JAKMIP1: variants seen among roughly 807,000 people sequenced by gnomAD.
JAKMIP1 encodes janus kinase and microtubule interacting protein 1.
A neutral mutation model predicts 113.0 loss-of-function variants in JAKMIP1; 33 were observed. That is an observed-to-expected ratio of 0.29 (90% CI 0.22 to 0.39). The LOEUF (loss-of-function observed/expected upper bound fraction) is 0.39. JAKMIP1 is among the 10% of genes least tolerant of loss of function. The probability of loss-of-function intolerance (pLI) is 1.00; values close to 1 mark genes in which losing one functional copy is unlikely to be tolerated. For missense variants in JAKMIP1, 813 were observed against 1,080.5 expected (o/e 0.75, Z 3.47); for synonymous variants, 480 against 459.9 (o/e 1.04, Z -0.56).
In JAKMIP1 at chr4:6,147,669, C is replaced by T. The variant is rs571769622; in HGVS notation, c.-147-34672G>A. On this transcript the variant is annotated intron_variant, in intron 1 of 20. Coordinates refer to ENST00000409021, the MANE Select transcript of JAKMIP1 (RefSeq NM_001099433.2). ...CCTCTGAACACTCACTCTCCCCCACCGGGTCCACACCAACTCTCAGGCCAC... is the reference window on the plus strand; with the variant it reads ...CCTCTGAACACTCACTCTCCCCCACTGGGTCCACACCAACTCTCAGGCCAC... Among the ~76,000 whole-genome samples the T allele has an allele frequency of 9.9e-5, 15 of 152,192 alleles. No individual in the cohort carries two copies. The East Asian group carries it at 2.5e-3, about 26-fold the overall frequency.
At chr4:6,095,717 A>T (rs1174665842) in intron 3 of JAKMIP1, among the ~76,000 whole-genome samples, 4 of 151,968 alleles carry the variant, frequency 2.6e-5, no homozygotes, top group African/African-American at 9.7e-5. Context: ...CCTTCGGTAG[A>T]CTCCTGGAAG....
intron 3 of JAKMIP1, among the ~76,000 whole-genome samples, 159 bp from the exon 4 acceptor site, chr4:6,085,788 G>A (rs1210900760): frequency 2.6e-5 from 4 of 152,190 alleles, no homozygotes; most frequent in South Asian, 2.1e-4. Flanking sequence ...AGCACAGCCC[G>A]CAGCCCAGGG....
chr4:6,053,357 G>A (rs547277880), intron 13 of JAKMIP1, among the ~76,000 whole-genome samples: 1 of 152,194 alleles, frequency 6.6e-6, no homozygotes, highest in Non-Finnish European at 1.5e-5. Flanking sequence ...GTAGTTTTGA[G>A]GTGCAGTTTG....
In JAKMIP1 at chr4:6,137,323, G is replaced by A. The variant is rs1218595285; in HGVS notation, c.-147-24326C>T. ...AGCCACAGTGGCTGCAAGACGGCAC[G>A]CGCTGGCATTTTCCTAACAGACGGA... On this transcript the variant is annotated intron_variant, in intron 1 of 20. Coordinates refer to ENST00000409021, the MANE Select transcript of JAKMIP1 (RefSeq NM_001099433.2). This position sits in a 1 kb window ranked among gnomAD's most constrained non-coding sequence, Gnocchi z 4.5. Among the ~76,000 whole-genome samples the A allele has an allele frequency of 5.3e-5, 8 of 152,180 alleles. No individual in the cohort carries two copies. The highest frequency in any genetic ancestry group is 7.2e-5 in the African/African-American group (3 of 41,434).
intron 18 of JAKMIP1, among the ~76,000 whole-genome samples, chr4:6,036,504 A>G (rs1223788709): frequency 6.6e-6 from 1 of 152,176 alleles, no homozygotes; most frequent in Non-Finnish European, 1.5e-5. Flanking sequence ...ATGGGTGCCA[A>G]TGGGGAAATA....
At chr4:6,045,987 G>A (rs1714939744) in intron 16 of JAKMIP1, among the ~76,000 whole-genome samples, 2 of 152,184 alleles carry the variant, frequency 1.3e-5, no homozygotes, top group Non-Finnish European at 2.9e-5. Context: ...GGGTTAACTG[G>A]GGCCTGTCAG....
At chr4:6,070,824 T>C (rs956945358) in intron 8 of JAKMIP1, among the ~76,000 whole-genome samples, 4 of 144,108 alleles carry the variant, frequency 2.8e-5, no homozygotes, top group African/African-American at 9.7e-5. Context: ...AAACAAACCA[T>C]TATTTAATAG....
intron 13 of JAKMIP1, chr4:6,053,761 A>G: frequency 8.1e-7 from 1 of 1,232,292 alleles, no homozygotes; most frequent in African/African-American, 1.6e-5. Context: ...AAAATATTGC[A>G]AAAACAAATT....
rs1429046962 is a variant in JAKMIP1, at chr4:6,129,453, G to C, written c.-147-16456C>G. Among the ~76,000 whole-genome samples the C allele has an allele frequency of 6.6e-6, 1 of 152,168 alleles. No individual in the cohort carries two copies. Among genetic ancestry groups the C allele is most frequent in the Admixed American group, 6.5e-5 (1 of 15,280 alleles). ...GATCTCTATGATCTACAAGGTTTGA[G>C]ATCACATTGAAGTCGACTGGTTAAA... On this transcript the variant is annotated intron_variant, in intron 1 of 20. Transcript: ENST00000409021. This position sits in a 1 kb window ranked among gnomAD's most constrained non-coding sequence, Gnocchi z 5.4.
chr4:6,174,882 A>G (rs1295012967), intron 1 of JAKMIP1, among the ~76,000 whole-genome samples: 1 of 151,758 alleles, frequency 6.6e-6, no homozygotes, highest in Admixed American at 6.6e-5. Flanking sequence ...CTGCCCACCC[A>G]TGTGGCCCCA....
At chr4:6,055,786 C>T (rs1328483704) in intron 12 of JAKMIP1, among the ~76,000 whole-genome samples, 2 of 150,562 alleles carry the variant, frequency 1.3e-5, no homozygotes, top group African/African-American at 4.9e-5. Flanking sequence ...GGGCAGCTCT[C>T]CCAATTTCTG....
In JAKMIP1 at chr4:6,064,350, A is replaced by G. The variant is rs1034923177; in HGVS notation, c.1431+530T>C. Reference sequence around the variant, plus strand: ...TGCTCAAGAAGCTGGCTATGCACCCAGATGGGCACAGGTGGTCAGGACAGG... The same window carrying G: ...TGCTCAAGAAGCTGGCTATGCACCCGGATGGGCACAGGTGGTCAGGACAGG... On this transcript the variant is annotated intron_variant, in intron 9 of 20. Transcript: ENST00000409021. This position sits in a 1 kb window ranked among gnomAD's most constrained non-coding sequence, Gnocchi z 4.3. Among the ~76,000 whole-genome samples the G allele has an allele frequency of 1.3e-5, 2 of 152,222 alleles. No individual in the cohort carries two copies. Among genetic ancestry groups the G allele is most frequent in the Non-Finnish European group, 2.9e-5 (2 of 68,032 alleles).
In JAKMIP1 at chr4:6,178,750, C is replaced by A. The variant is rs1725688037; in HGVS notation, c.-148+21503G>T. Among the ~76,000 whole-genome samples the A allele has an allele frequency of 1.3e-5, 2 of 152,154 alleles. 1 individual carries two copies. Among genetic ancestry groups the A allele is most frequent in the South Asian group, 4.1e-4 (2 of 4,828 alleles). On this transcript the variant is annotated intron_variant, in intron 1 of 20. Transcript: ENST00000409021. This position sits in a 1 kb window ranked among gnomAD's most constrained non-coding sequence, Gnocchi z 5.5. ...TCTTTATTAGCAATGTGAGGACAGA[C>A]TAATATACCCTACCAAATTCTCTAG...
At chr4:6,122,813 C>T (rs1190978074) in intron 1 of JAKMIP1, among the ~76,000 whole-genome samples, 1 of 152,192 alleles carries the variant, frequency 6.6e-6, no homozygotes, top group African/African-American at 2.4e-5. Context: ...ATTCTTAGCT[C>T]TGCCACTTAC....
Position 6,040,675 on chromosome 4 carries a change from G to A in JAKMIP1, c.2139C>T (p.Leu713=), listed in dbSNP as rs974404103. 3 of 1,613,424 alleles carry A rather than the reference G, an allele frequency of 1.9e-6. No homozygotes were observed. Among genetic ancestry groups the A allele is most frequent in the African/African-American group, 1.3e-5 (1 of 74,882 alleles). Residue 713 remains leucine, a synonymous_variant, in exon 18 of 21, where the codon CTC becomes CTT. Transcript: ENST00000409021. The surrounding 1 kb of genome is among the most constrained non-coding windows in gnomAD (Gnocchi z 5.8). The part of the protein sequence containing the change: ...SRQKGYLEEE[L]DYRKQALDQA... ...GGTCAAGGGCTTGCTTCCGGTAGTC[G>A]AGCTCCTCTTCCAGGTAGCCCTTCT...
chr4:6,054,385 C>T (rs1030300513), intron 12 of JAKMIP1, among the ~76,000 whole-genome samples: 10 of 152,184 alleles, frequency 6.6e-5, no homozygotes, highest in Middle Eastern at 3.2e-3. Flanking sequence ...CCTGCACCTC[C>T]GAGCCTGGCC....
rs538482225 is a variant in JAKMIP1 at position 6,081,074 on chromosome 4, G to A, written c.1101+535C>T. 8.2e-4 allele frequency among the ~76,000 whole-genome samples: 125 copies of A among 151,846 alleles called. No homozygotes were observed. The highest frequency in any genetic ancestry group is 2.6e-3 in the African/African-American group (108 of 41,350). Reference sequence around the variant, plus strand: ...GTGGTGACAGAGCCTCCGTCTTCCCGGCTGTGAAGTGGGGGTTGATACTAC... The same window carrying A: ...GTGGTGACAGAGCCTCCGTCTTCCCAGCTGTGAAGTGGGGGTTGATACTAC... On this transcript the variant is annotated intron_variant, in intron 6 of 20. Transcript: ENST00000409021. This position sits in a 1 kb window ranked among gnomAD's most constrained non-coding sequence, Gnocchi z 4.6.
Position 6,141,304 on chromosome 4 carries a change from C to T in JAKMIP1, c.-147-28307G>A, listed in dbSNP as rs1370042321. 1.5e-4 allele frequency among the ~76,000 whole-genome samples: 23 copies of T among 152,118 alleles called. No individual in the cohort carries two copies. Among genetic ancestry groups the T allele is most frequent in the African/African-American group, 5.3e-4 (22 of 41,456 alleles). On this transcript the variant is annotated intron_variant, in intron 1 of 20. Transcript: ENST00000409021. This position sits in a 1 kb window ranked among gnomAD's most constrained non-coding sequence, Gnocchi z 9.4. ...TACAAAAATTAGCCAGGGGTGGTGG[C>T]GCGCATCTGTAATCCCAGCTACTTG...
chr4:6,162,006 C>T lies in JAKMIP1; in HGVS notation c.-148+38247G>A, dbSNP rs1201934061. Among the ~76,000 whole-genome samples, 2 of 152,014 alleles carry T rather than the reference C, an allele frequency of 1.3e-5. No individual in the cohort carries two copies. The highest frequency in any genetic ancestry group is 2.9e-5 in the Non-Finnish European group (2 of 68,030). On this transcript the variant is annotated intron_variant, in intron 1 of 20. Transcript: ENST00000409021. The surrounding 1 kb of genome is among the most constrained non-coding windows in gnomAD (Gnocchi z 5.6). ...TCCCCACGGTGTCTGCCTCACACCA[C>T]GGGTACATGGTGCCTCCTTGATGGA...
Sources: allele counts gnomAD v4.1 joint callset (sites outside exome capture counted in the v4.1 genomes callset), GRCh38; gene constraint gnomAD v4.1.1; non-coding constraint Gnocchi (gnomAD v3.1); transcripts MANE v1.5; gene names NCBI Gene and HGNC (gene_info 2026-07-23, HGNC 2026-07-21).